Variants in AVL9 observed in about 807,000 individuals in gnomAD.
The protein encoded by AVL9 is AVL9 cell migration associated.
Under a neutral mutation model 79.2 loss-of-function variants are expected in AVL9, and 49 were observed. The ratio of observed to expected loss-of-function variants is 0.62; its 90% CI spans 0.49 to 0.79. AVL9 has a LOEUF of 0.79. Among genes scored for constraint, AVL9 ranks in the 30% least tolerant of loss-of-function variants. The probability of loss-of-function intolerance (pLI) is 0.00; values close to 1 mark genes in which losing one functional copy is unlikely to be tolerated. For synonymous variants in AVL9, 299 were observed against 280.6 expected, an observed-to-expected ratio of 1.07 and a Z score of -0.65; for missense variants, 682 against 776.8, an observed-to-expected ratio of 0.88 and a Z score of 1.45.
At chr7:32,506,090 T>C (rs1787400545) in intron 1 of AVL9, among the ~76,000 whole-genome samples, 1 of 152,152 alleles carries the variant, frequency 6.6e-6, no homozygotes, top group Admixed American at 6.5e-5. Context: ...CTAATTTTTT[T>C]CCTGTACATA....
chr7:32,519,093 G>A (rs150469510), intron 1 of AVL9, among the ~76,000 whole-genome samples: 9 of 152,194 alleles, frequency 5.9e-5, no homozygotes, highest in African/African-American at 1.2e-4. Flanking sequence ...GTGGTATTTC[G>A]CTGTTAAACT....
chr7:32,563,552 A>C (rs1472539177), intron 10 of AVL9, among the ~76,000 whole-genome samples: 1 of 149,530 alleles, frequency 6.7e-6, no homozygotes, highest in Non-Finnish European at 1.5e-5. Context: ...TAGATTCTGA[A>C]TTCTTGCCAT....
chr7:32,545,211 G>T (rs749812723), intron 3 of AVL9, among the ~76,000 whole-genome samples: 29 of 150,326 alleles, frequency 1.9e-4, no homozygotes, highest in Non-Finnish European at 3.8e-4. Context: ...AGGCTCAAGG[G>T]ATCCTCCTGC....
chr7:32,551,547 C>A, intron 5 of AVL9, 124 bp downstream of exon 5: 9 of 291,920 alleles, frequency 3.1e-5, no homozygotes, highest in Non-Finnish European at 4.4e-5. Context: ...TGTGAAAACG[C>A]ATTTGCATTA....
intron 2 of AVL9, 150 bp downstream of exon 2, chr7:32,543,411 A>C: frequency 9.8e-7 from 1 of 1,024,640 alleles, no homozygotes; most frequent in Non-Finnish European, 1.4e-6. Flanking sequence ...ATAACTAGTC[A>C]TTCACTAGAG....
chr7:32,551,605 CTTTTTTT>C (rs60271681), intron 5 of AVL9, among the ~76,000 whole-genome samples, 182 bp downstream of exon 5: 1 of 93,780 alleles, frequency 1.1e-5, no homozygotes, highest in African/African-American at 4.4e-5. Flanking sequence ...TTTAACCAAA[CTTTTTTT>C]TTTTTTTTTT....
Position 32,503,319 on chromosome 7 carries a change from G to GATATATATAT in AVL9, c.93+7522_93+7531dup, listed in dbSNP as rs371363185. 3.0e-4 allele frequency among the ~76,000 whole-genome samples: 36 copies of GATATATATAT among 120,564 alleles called. No individual in the cohort carries two copies. In the South Asian group the frequency reaches 3.0e-3, roughly 10 times the overall value. The allele number at this position is 120,564 out of a possible 152,430, so 79.1% of individuals were successfully genotyped here. ...GGTGAAACCCCCATCTCTACTAAAA[G>GATATATATAT]ATATATATATATATCTATATATATA... On this transcript the variant is annotated intron_variant, in intron 1 of 15. Coordinates refer to ENST00000318709, the MANE Select transcript of AVL9 (RefSeq NM_015060.3).
intron 10 of AVL9, among the ~76,000 whole-genome samples, chr7:32,565,559 C>CAAAA (rs56944092): frequency 7.1e-6 from 1 of 141,096 alleles, no homozygotes; most frequent in Admixed American, 7.1e-5. Context: ...AACTCCGTCT[C>CAAAA]AAAAAAAAAA....
At chr7:32,532,522 T>TA (rs1444011023) in intron 1 of AVL9, 2 of 149,256 alleles carry the variant, frequency 1.3e-5, no homozygotes, top group African/African-American at 4.9e-5. Context: ...AGAGTCCTGA[T>TA]ATTCTGTTTC....
intron 10 of AVL9, among the ~76,000 whole-genome samples, chr7:32,562,050 T>C (rs1366891326): frequency 6.6e-6 from 1 of 152,050 alleles, no homozygotes; most frequent in Admixed American, 6.6e-5. Context: ...ACATCAAAGA[T>C]CACGGATCAC....
At chr7:32,501,770 T>G (rs1233864085) in intron 1 of AVL9, among the ~76,000 whole-genome samples, 1 of 152,188 alleles carries the variant, frequency 6.6e-6, no homozygotes, top group Non-Finnish European at 1.5e-5. Flanking sequence ...TTATACACCA[T>G]GAGTAATCAT....
chr7:32,561,087 A>C (rs1007885786), intron 10 of AVL9, among the ~76,000 whole-genome samples: 4 of 152,184 alleles, frequency 2.6e-5, no homozygotes, highest in Admixed American at 6.5e-5. Flanking sequence ...CAGATTTAGC[A>C]TAACTCTGAA....
chr7:32,583,686 A>T (rs1791626740), intron 15 of AVL9, 106 bp from the exon 16 acceptor site: 3 of 739,744 alleles, frequency 4.1e-6, no homozygotes, highest in Non-Finnish European at 6.5e-6. Context: ...CTCAAAAAAC[A>T]TTTTTTTAAA....
intron 1 of AVL9, among the ~76,000 whole-genome samples, chr7:32,508,763 C>T (rs888745812): frequency 3.5e-4 from 54 of 152,194 alleles, no homozygotes; most frequent in African/African-American, 1.3e-3. Context: ...TTCTGTTATG[C>T]TACTTTGGTA....
chr7:32,565,736 G>A (rs1413832476), intron 10 of AVL9, among the ~76,000 whole-genome samples: 2 of 152,090 alleles, frequency 1.3e-5, no homozygotes, highest in Non-Finnish European at 2.9e-5. Context: ...AGCCAGGTGC[G>A]ACGGCTCATG....
chr7:32,536,211 CAGGG>C (rs1788900291), intron 1 of AVL9: 3 of 152,178 alleles, frequency 2.0e-5, no homozygotes, highest in Admixed American at 2.0e-4. Context: ...GACACAATTG[CAGGG>C]AGAGCCATTC....
rs1791896549 is a variant in AVL9 at position 32,588,596 on chromosome 7, TG to T, written c.*4690del. The T allele has an allele frequency of 6.6e-6, 1 of 152,154 alleles. No homozygotes were observed. The highest frequency in any genetic ancestry group is 2.4e-5 in the African/African-American group (1 of 41,454). 9.4% of individuals were successfully genotyped at this position (152,154 alleles called of 1,614,324 possible). On this transcript the variant is annotated 3_prime_UTR_variant, in exon 16 of 16. Coordinates refer to ENST00000318709, the MANE Select transcript of AVL9 (RefSeq NM_015060.3). ...GTTTGTACTAGTTCTTTATTTCTGT[TG>T]TTTTTTTAAATTGTTAAAATTATAA...
chr7:32,577,838 G>A (rs77311973), intron 13 of AVL9, among the ~76,000 whole-genome samples: 1,982 of 152,288 alleles, frequency 0.013, 20 homozygotes, highest in Non-Finnish European at 0.018. Flanking sequence ...AAATATATAG[G>A]TAGGGAAATC....
intron 6 of AVL9, among the ~76,000 whole-genome samples, chr7:32,553,196 T>C (rs1789911283): frequency 6.6e-6 from 1 of 152,162 alleles, no homozygotes; most frequent in African/African-American, 2.4e-5. Flanking sequence ...TCTCTTGTAC[T>C]GTGTTGTTTC....
Sources: gnomAD v4.1 joint callset for allele counts (sites outside exome capture counted in the v4.1 genomes callset) on GRCh38, gnomAD v4.1.1 for gene constraint, MANE v1.5 for transcripts, NCBI Gene and HGNC (gene_info 2026-07-23, HGNC 2026-07-21) for gene names.